The following CLEC12A variants were observed in gnomAD, a reference collection of about 807,000 sequenced individuals.
CLEC12A encodes the protein C-type lectin domain family 12 member A.
Under a neutral mutation model 26.5 loss-of-function variants are expected in CLEC12A, and 22 were observed. The ratio of observed to expected loss-of-function variants is 0.83; its 90% CI spans 0.59 to 1.19. The LOEUF (loss-of-function observed/expected upper bound fraction) is 1.19. Among genes scored for constraint, CLEC12A ranks in the 50% most tolerant of loss-of-function variants. The pLI, the probability that CLEC12A is intolerant of heterozygous loss-of-function variation, is 0.00. For missense variants in CLEC12A, 353 were observed against 315.6 expected (o/e 1.12, Z -0.90); for synonymous variants, 119 against 101.9 (o/e 1.17, Z -1.01).
At chr12:9,984,715 C>A (rs997010816) in intron 5 of CLEC12A, among the ~76,000 whole-genome samples, 155 bp from the exon 6 acceptor site, 6 of 152,154 alleles carry the variant, frequency 3.9e-5, no homozygotes, top group Admixed American at 6.5e-5. Context: ...ACAATTAACT[C>A]GGACATTCTT....
intron 1 of CLEC12A, among the ~76,000 whole-genome samples, chr12:9,973,671 C>A (rs1195440914): frequency 6.6e-6 from 1 of 152,008 alleles, no homozygotes; most frequent in Non-Finnish European, 1.5e-5. Flanking sequence ...AATGTCTATC[C>A]TACCATGTCC....
At chr12:9,988,753 TAC>T (rs1026527301), downstream of CLEC12A, among the ~76,000 whole-genome samples, 21 of 152,210 alleles carry the variant, frequency 1.4e-4, no homozygotes, top group African/African-American at 4.8e-4. Context: ...GGAACACTTT[TAC>T]ACTGTTGGTG....
chr12:9,977,725 T>C (rs1471319799), intron 1 of CLEC12A, among the ~76,000 whole-genome samples: 5 of 152,160 alleles, frequency 3.3e-5, no homozygotes, highest in Non-Finnish European at 7.4e-5. Context: ...CACTTATATA[T>C]CTATTTATCT....
intron 1 of CLEC12A, among the ~76,000 whole-genome samples, chr12:9,953,938 GC>G (rs1271517427): frequency 6.6e-6 from 1 of 150,376 alleles, no homozygotes. Context: ...TGAAACATGT[GC>G]TGTGTCCACT....
upstream of CLEC12A, among the ~76,000 whole-genome samples, chr12:9,969,003 A>G (rs961236725): frequency 7.9e-5 from 12 of 152,198 alleles, no homozygotes; most frequent in African/African-American, 2.7e-4. Context: ...AGGCACAGAA[A>G]GACAAATATC....
At chr12:9,953,584 G>A (rs1863684228) in intron 1 of CLEC12A, among the ~76,000 whole-genome samples, 2 of 150,960 alleles carry the variant, frequency 1.3e-5, no homozygotes, top group African/African-American at 2.5e-5. Context: ...CGGGAGGGAG[G>A]TGGGGGGGTC....
chr12:9,994,997 G>A (rs1865002065), intron 4 of CLEC12A: 1 of 1,551,260 alleles, frequency 6.4e-7, no homozygotes, highest in South Asian at 1.1e-5. Flanking sequence ...CTTATGACCA[G>A]CGCTGTCTTG....
chr12:9,960,221 T>C (rs889560253), intron 1 of CLEC12A, among the ~76,000 whole-genome samples: 9 of 152,186 alleles, frequency 5.9e-5, no homozygotes, highest in African/African-American at 1.7e-4. Flanking sequence ...ATACATGGCC[T>C]TAAGTTAATA....
In CLEC12A at chr12:9,979,258, T is replaced by C; in HGVS notation, c.191-78T>C. ...TTGCTTTCCCTACCCCTTTAATCTT[T>C]ATACTACTTCTGCAAATGATAAAGG... On this transcript the variant is annotated intron_variant, in intron 2 of 5. Coordinates refer to ENST00000304361, the MANE Select transcript of CLEC12A (RefSeq NM_138337.6). 2 of 1,203,356 alleles carry C rather than the reference T, an allele frequency of 1.7e-6. 1 individual carries two copies. 74.5% of individuals were successfully genotyped at this position (1,203,356 alleles called of 1,614,324 possible).
chr12:10,002,170 C>A, the CLEC12A span, among the ~76,000 whole-genome samples: 1 of 152,086 alleles, frequency 6.6e-6, no homozygotes, highest in African/African-American at 2.4e-5. Context: ...CTTTAGCTAC[C>A]GCGCCTGGCC....
At chr12:9,980,289 C>T (rs1451079691) in intron 3 of CLEC12A, among the ~76,000 whole-genome samples, 1 of 150,842 alleles carries the variant, frequency 6.6e-6, no homozygotes, top group Non-Finnish European at 1.5e-5. Context: ...ACTTCCCCTT[C>T]GATGTAAAAA....
chr12:9,985,744 A>G (rs771736581), downstream of CLEC12A: 1 of 325,628 alleles, frequency 3.1e-6, no homozygotes, highest in Non-Finnish European at 5.5e-6. Context: ...CATAACTCAT[A>G]ACTGGGAGTA....
Position 9,981,091 on chromosome 12 carries a change from G to C in CLEC12A, c.531+358G>C, listed in dbSNP as rs554256505. On this transcript the variant is annotated intron_variant, in intron 4 of 5. Transcript: ENST00000304361. The stretch of plus-strand genomic sequence containing the variant: ...TTCCCCAGGATTAGCAATTCCATAA[G>C]AACTACATGGGAGAATATGTTTTGT... Among the ~76,000 whole-genome samples, 4 of 152,194 alleles carry C rather than the reference G, an allele frequency of 2.6e-5. No individual in the cohort carries two copies. The South Asian group carries it at 8.3e-4, about 32-fold the overall frequency.
intron 1 of CLEC12A, among the ~76,000 whole-genome samples, chr12:9,959,260 G>T (rs1863790921): frequency 6.6e-6 from 1 of 151,964 alleles, no homozygotes; most frequent in Non-Finnish European, 1.5e-5. Flanking sequence ...AGACCAGCCT[G>T]GCCAACATGA....
chr12:9,990,552 C>T (rs899253789), downstream of CLEC12A, among the ~76,000 whole-genome samples: 1 of 152,104 alleles, frequency 6.6e-6, no homozygotes, highest in African/African-American at 2.4e-5. Context: ...TGAGGAGTTG[C>T]TTTTTATGGA....
At chr12:9,995,118 T>C (rs765691685) in exon 5 of CLEC12A, 1 of 1,609,962 alleles carries the variant, frequency 6.2e-7, no homozygotes, top group Non-Finnish European at 8.5e-7. Context: ...CTCCCTCCTA[T>C]TCTAAGTGTC....
At chr12:9,953,247 C>T (rs1443440917) in intron 1 of CLEC12A, 1 of 117,262 alleles carries the variant, frequency 8.5e-6, no homozygotes, top group South Asian at 3.1e-4. Context: ...TCTGCCCGCC[C>T]CCCCCTACTG....
At chr12:9,992,002 T>C (rs1864905084) in intron 4 of CLEC12A, 1 of 152,136 alleles carries the variant, frequency 6.6e-6, no homozygotes, top group African/African-American at 2.4e-5. Context: ...TTGAGTTTCC[T>C]ATTTGGTTTC....
chr12:9,995,081 G>C, exon 5 of CLEC12A: 1 of 1,603,088 alleles, frequency 6.2e-7, no homozygotes, highest in Non-Finnish European at 8.5e-7. Context: ...AGAGAAGAGG[G>C]AATCTCAAGA....
Sources: allele counts gnomAD v4.1 joint callset (sites outside exome capture counted in the v4.1 genomes callset), GRCh38; gene constraint gnomAD v4.1.1; transcripts MANE v1.5; gene names NCBI Gene and HGNC (gene_info 2026-07-23, HGNC 2026-07-21).